Variants in EIF2D observed in about 807,000 individuals in gnomAD.
The protein encoded by EIF2D is eukaryotic translation initiation factor 2D.
EIF2D carries 56 observed loss-of-function variants against 77.4 expected under a neutral mutation model. The ratio of observed to expected loss-of-function variants is 0.72; its 90% CI spans 0.58 to 0.90. The LOEUF (loss-of-function observed/expected upper bound fraction) is 0.90. Ranked by LOEUF, EIF2D falls within the 40% of genes least tolerant of loss-of-function variation. The probability of loss-of-function intolerance (pLI) is 0.00; values close to 1 mark genes in which losing one functional copy is unlikely to be tolerated. For synonymous variants in EIF2D, 230 were observed against 271.0 expected, an observed-to-expected ratio of 0.85 and a Z score of 1.49; for missense variants, 574 against 706.5, an observed-to-expected ratio of 0.81 and a Z score of 2.13.
intron 12 of EIF2D, among the ~76,000 whole-genome samples, chr1:206,596,829 G>A (rs1424061644): frequency 2.0e-5 from 3 of 152,058 alleles, no homozygotes; most frequent in Non-Finnish European, 4.4e-5. Flanking sequence ...GGGACTACAG[G>A]CATGCACCAC....
intron 12 of EIF2D, 137 bp from the exon 13 acceptor site, chr1:206,595,975 T>C (rs1331546063): frequency 8.3e-7 from 1 of 1,206,980 alleles, no homozygotes; most frequent in Non-Finnish European, 1.2e-6. Context: ...ATCATTCAAA[T>C]CCCTAGGGAG....
downstream of EIF2D, among the ~76,000 whole-genome samples, chr1:206,590,917 A>C (rs1669321102): frequency 6.6e-6 from 1 of 152,182 alleles, no homozygotes. Context: ...TGATTCCATA[A>C]ACTGAGCAGG....
chr1:206,596,552 G>T (rs1258380238), intron 12 of EIF2D, among the ~76,000 whole-genome samples: 1 of 152,202 alleles, frequency 6.6e-6, no homozygotes, highest in Non-Finnish European at 1.5e-5. Context: ...TTTCAGTTAT[G>T]TGGAAAAGAA....
intron 3 of EIF2D, chr1:206,580,867 T>G (rs1553406149): frequency 6.6e-6 from 1 of 152,294 alleles, no homozygotes; most frequent in Non-Finnish European, 1.5e-5. Context: ...GGTGACATGG[T>G]GCCTCTGGGG....
rs200534053 is a variant in EIF2D at position 206,602,461 on chromosome 1, G to C, written c.785-8C>G. On this transcript the variant is annotated splice_region_variant and splice_polypyrimidine_tract_variant and intron_variant, in intron 6 of 14. Coordinates refer to ENST00000271764, the MANE Select transcript of EIF2D (RefSeq NM_006893.3). ...ACAGCTCATCCATTTGTTCTGCAGG[G>C]AAAAGACAAGAGCCACATCCTTCCT... 40 of 1,609,420 alleles carry C rather than the reference G, an allele frequency of 2.5e-5. No homozygotes were observed. The East Asian group carries it at 8.9e-4, about 36-fold the overall frequency.
chr1:206,611,295 C>A lies in EIF2D; in HGVS notation c.136G>T (p.Glu46Ter). The change falls in exon 2 of 15, where the codon GAG (glutamate) becomes TAG (stop). Residue 46 changes from glutamate to a stop codon, truncating the protein, a stop_gained. Transcript: ENST00000271764. LOFTEE classifies it high-confidence loss of function. ...DQVSELVPGK[E>*]ELNIVKLYAH... ...TACAACTTCACAATGTTGAGCTCCT[C>A]CTTTCCAGGTACTAACTCAGAGACT... 6.2e-7 allele frequency: 1 copy of A among 1,614,246 alleles called. No homozygotes were observed. The highest frequency in any genetic ancestry group is 8.5e-7 in the Non-Finnish European group (1 of 1,180,036).
intron 4 of EIF2D, among the ~76,000 whole-genome samples, chr1:206,606,713 T>C (rs1269173558): frequency 6.6e-6 from 1 of 152,200 alleles, no homozygotes; most frequent in Non-Finnish European, 1.5e-5. Context: ...CTCCCATGCC[T>C]ACCATCGCTC....
chr1:206,611,440 A>ACT, intron 1 of EIF2D, 66 bp from the exon 2 acceptor site: 1 of 1,394,050 alleles, frequency 7.2e-7, no homozygotes, highest in South Asian at 1.4e-5. Context: ...TCAAGAACGA[A>ACT]CTCAAAAGTG....
intron 4 of EIF2D, among the ~76,000 whole-genome samples, chr1:206,574,347 TC>T (rs1365379901): frequency 6.6e-6 from 1 of 152,178 alleles, no homozygotes; most frequent in Non-Finnish European, 1.5e-5. Context: ...ACCTGCAGAC[TC>T]CCAAGGACAG....
chr1:206,603,301 A>C (rs1018709266), intron 5 of EIF2D, 97 bp from the exon 6 acceptor site: 2 of 1,515,190 alleles, frequency 1.3e-6, no homozygotes, highest in Non-Finnish European at 1.8e-6. Context: ...GACAGCAGAG[A>C]GCCAACAGGC....
rs1669830722 is a variant in EIF2D at position 206,599,765 on chromosome 1, C to T, written c.1020G>A (p.Glu340=). The change falls in exon 9 of 15, where the codon GAG becomes GAA. Residue 340 remains glutamate, a synonymous_variant. Coordinates refer to ENST00000271764, the MANE Select transcript of EIF2D (RefSeq NM_006893.3). The surrounding 1 kb of genome is among the most constrained non-coding windows in gnomAD (Gnocchi z 4.1). ...GTTTCCAGTCCACAGCCACAATGCTCTCCACCCCTTTGCTCAGCTCCTTCA... is the reference window on the plus strand; with the variant it reads ...GTTTCCAGTCCACAGCCACAATGCTTTCCACCCCTTTGCTCAGCTCCTTCA... The part of the protein sequence containing the change: ...IQVKELSKGV[E]SIVAVDWKHP... 15 of 1,614,186 alleles carry T rather than the reference C, an allele frequency of 9.3e-6. No homozygotes were observed. The highest frequency in any genetic ancestry group is 1.0e-5 in the Non-Finnish European group (12 of 1,180,028).
chr1:206,605,276 G>A (rs940828769), intron 5 of EIF2D, 124 bp downstream of exon 5: 2 of 569,602 alleles, frequency 3.5e-6, no homozygotes, highest in Non-Finnish European at 6.1e-6. Context: ...GGAAATAAAA[G>A]TCTGGGCTTA....
rs1478878580 is a variant in EIF2D at position 206,595,708 on chromosome 1, C to T, written c.1509+10G>A. 2 of 1,612,582 alleles carry T rather than the reference C, an allele frequency of 1.2e-6. No individual in the cohort carries two copies. Among genetic ancestry groups the T allele is most frequent in the Admixed American group, 1.7e-5 (1 of 59,872 alleles). On this transcript the variant is annotated intron_variant, in intron 13 of 14. Coordinates refer to ENST00000271764, the MANE Select transcript of EIF2D (RefSeq NM_006893.3). ...CACTATCCTTGAACATTGTGTCTTT[C>T]TAAAATTACCTTTTTATTAGACGCT...
chr1:206,578,689 T>TGGGACACACGTCCTCCTC (rs1289609634), intron 4 of EIF2D, among the ~76,000 whole-genome samples: 1 of 152,174 alleles, frequency 6.6e-6, no homozygotes, highest in African/African-American at 2.4e-5. Flanking sequence ...GTACTGCCGG[T>TGGGACACACGTCCTCCTC]GGGACACACG....
chr1:206,600,304 C>G lies in EIF2D; in HGVS notation c.907G>C (p.Glu303Gln). ...LGSHMFSCCP[E>Q]GRQLDIKKSS... ...TTCTTTATGTCCAGTTGTCGTCCTT[C>G]GGGGCTGATGGCAGATGGAAAAGGC... Residue 303 changes from glutamate to glutamine, a missense_variant, in exon 8 of 15, where the codon GAA (glutamate) becomes CAA (glutamine). Glu to Gln is a conservative substitution (Grantham distance 29). Transcript: ENST00000271764. 1 of 1,613,914 alleles carries G rather than the reference C, an allele frequency of 6.2e-7. No homozygotes were observed. The highest frequency in any genetic ancestry group is 8.5e-7 in the Non-Finnish European group (1 of 1,179,878).
At chr1:206,612,088 T>C (rs947260045) in intron 1 of EIF2D, among the ~76,000 whole-genome samples, 199 bp downstream of exon 1, 2 of 152,168 alleles carry the variant, frequency 1.3e-5, no homozygotes, top group Admixed American at 6.5e-5. Context: ...CACTAGACTA[T>C]CCAAAAGAGA....
intron 5 of EIF2D, among the ~76,000 whole-genome samples, chr1:206,604,144 G>A (rs1369608363): frequency 1.3e-5 from 2 of 152,294 alleles, no homozygotes; most frequent in Non-Finnish European, 2.9e-5. Context: ...GCAAGTACTT[G>A]TAAAATCAGT....
At chr1:206,610,680 G>T (rs1261510755) in intron 2 of EIF2D, among the ~76,000 whole-genome samples, 2 of 152,102 alleles carry the variant, frequency 1.3e-5, no homozygotes, top group Non-Finnish European at 2.9e-5. Flanking sequence ...AATTAGCAAG[G>T]TGTGGTGGCG....
chr1:206,600,867 A>G (rs1478151829), intron 7 of EIF2D: 20 of 152,594 alleles, frequency 1.3e-4, no homozygotes, highest in African/African-American at 4.8e-4. Context: ...CAATGGCAGC[A>G]TCGAGCAGTT....
Sources: gnomAD v4.1 joint callset for allele counts (sites outside exome capture counted in the v4.1 genomes callset) on GRCh38, gnomAD v4.1.1 for gene constraint, Gnocchi (gnomAD v3.1) non-coding constraint, MANE v1.5 for transcripts, NCBI Gene and HGNC (gene_info 2026-07-23, HGNC 2026-07-21) for gene names.